AGBL4: variants seen among roughly 807,000 people sequenced by gnomAD.
AGBL4 encodes cytosolic carboxypeptidase 6.
In AGBL4, 58 loss-of-function variants were observed where a neutral mutation model predicts 66.4. The ratio of observed to expected loss-of-function variants is 0.87; its 90% CI spans 0.71 to 1.09. AGBL4 has a LOEUF of 1.09. AGBL4 is among the 50% of genes least tolerant of loss of function. AGBL4 has a pLI of 0.00. For synonymous variants in AGBL4, 234 were observed against 222.9 expected, an observed-to-expected ratio of 1.05 and a Z score of -0.44; for missense variants, 579 against 631.0, an observed-to-expected ratio of 0.92 and a Z score of 0.88.
intron 6 of AGBL4, among the ~76,000 whole-genome samples, chr1:48,714,557 A>G (rs1647018047): frequency 6.6e-6 from 1 of 152,210 alleles, no homozygotes; most frequent in South Asian, 2.1e-4. Flanking sequence ...CGGACTATTA[A>G]GCCCCCTCGT....
intron 4 of AGBL4, among the ~76,000 whole-genome samples, chr1:49,104,015 A>G (rs930314767): frequency 1.3e-5 from 2 of 152,188 alleles, no homozygotes; most frequent in African/African-American, 4.8e-5. Context: ...ACTCATGTTC[A>G]GCCTATTTGG....
chr1:49,928,677 T>C (rs780269057), intron 1 of AGBL4, among the ~76,000 whole-genome samples: 1 of 152,104 alleles, frequency 6.6e-6, no homozygotes, highest in African/African-American at 2.4e-5. Context: ...AATCAACAAA[T>C]TGTAAGCCAA....
At chr1:49,131,230 A>C (rs1315753194) in intron 4 of AGBL4, among the ~76,000 whole-genome samples, 1 of 152,052 alleles carries the variant, frequency 6.6e-6, no homozygotes, top group Admixed American at 6.6e-5. Context: ...TGCTTGGGTC[A>C]GAGGTGTCAG....
At chr1:49,769,680 T>C (rs1643998919) in intron 2 of AGBL4, among the ~76,000 whole-genome samples, 1 of 152,122 alleles carries the variant, frequency 6.6e-6, no homozygotes, top group South Asian at 2.1e-4. Context: ...AATCATCTAA[T>C]CTTTGAAAAA....
chr1:49,771,146 C>T (rs1644045366), intron 2 of AGBL4, among the ~76,000 whole-genome samples: 1 of 152,038 alleles, frequency 6.6e-6, no homozygotes, highest in Non-Finnish European at 1.5e-5. Context: ...TTGCTGTGAA[C>T]TTCCCTATTA....
chr1:49,305,779 C>T (rs1435405925), intron 3 of AGBL4, among the ~76,000 whole-genome samples: 6 of 152,066 alleles, frequency 3.9e-5, no homozygotes, highest in African/African-American at 1.4e-4. Context: ...CAACCTCCAC[C>T]TCCTGGGTTC....
chr1:49,065,492 G>A (rs1299672929), intron 4 of AGBL4, among the ~76,000 whole-genome samples: 1 of 152,222 alleles, frequency 6.6e-6, no homozygotes, highest in African/African-American at 2.4e-5. Context: ...CTGAAGCATA[G>A]GTTTCATGTG....
At chr1:49,341,039 G>A (rs1423475892) in intron 3 of AGBL4, among the ~76,000 whole-genome samples, 2 of 152,162 alleles carry the variant, frequency 1.3e-5, no homozygotes, top group Admixed American at 6.5e-5. Flanking sequence ...TTATGTATAA[G>A]CAAGCATTGT....
At chr1:49,478,500 T>C (rs1221312957) in intron 3 of AGBL4, among the ~76,000 whole-genome samples, 6 of 151,890 alleles carry the variant, frequency 4.0e-5, no homozygotes, top group Admixed American at 3.3e-4. Context: ...GAAAATAACC[T>C]TCAATCATGA....
intron 2 of AGBL4, among the ~76,000 whole-genome samples, chr1:49,741,157 G>A (rs1204438558): frequency 6.6e-6 from 1 of 152,016 alleles, no homozygotes; most frequent in African/African-American, 2.4e-5. Flanking sequence ...CCGCTAGCAA[G>A]ACTAATAAAG....
intron 4 of AGBL4, among the ~76,000 whole-genome samples, chr1:49,242,660 T>C (rs1651328076): frequency 6.6e-6 from 1 of 151,954 alleles, no homozygotes; most frequent in African/African-American, 2.4e-5. Flanking sequence ...AGAAACCTGA[T>C]GCTACAGAGC....
chr1:49,130,410 A>T (rs1308564124), intron 4 of AGBL4, among the ~76,000 whole-genome samples: 1 of 152,042 alleles, frequency 6.6e-6, no homozygotes, highest in Admixed American at 6.6e-5. Flanking sequence ...CTGAATGGTA[A>T]TGCCTAGGTT....
rs12062865 is a variant in AGBL4 at position 50,011,008 on chromosome 1, A to C, written c.34+12755T>G. Among the ~76,000 whole-genome samples the C allele has an allele frequency of 2.6e-3, 396 of 152,360 alleles. 5 individuals carry two copies. Among genetic ancestry groups the C allele is most frequent in the African/African-American group, 8.9e-3 (372 of 41,576 alleles). On this transcript the variant is annotated intron_variant, in intron 1 of 13. Transcript: ENST00000371839. ...AAAAAGCATCTGCAAAGCAAAGGAT[A>C]CAATCAACAAATTTAAGAGACATCT...
Position 49,487,402 on chromosome 1 carries a change from C to T in AGBL4, c.282+209911G>A, listed in dbSNP as rs1010717293. ...CACTTTGAATTGTAATTCTCATAAT[C>T]CCCACATGTCAAGAACAGGAACAGG... On this transcript the variant is annotated intron_variant, in intron 3 of 13. Coordinates refer to ENST00000371839, the MANE Select transcript of AGBL4 (RefSeq NM_032785.4). Among the ~76,000 whole-genome samples the T allele has an allele frequency of 2.0e-5, 3 of 151,896 alleles. 1 individual carries two copies. Among genetic ancestry groups the T allele is most frequent in the Admixed American group, 1.3e-4 (2 of 15,220 alleles).
intron 8 of AGBL4, among the ~76,000 whole-genome samples, chr1:48,651,221 G>A (rs1279822189): frequency 6.6e-6 from 1 of 152,210 alleles, no homozygotes; most frequent in Non-Finnish European, 1.5e-5. Flanking sequence ...TGAAGCTTCA[G>A]GGTGAAACCA....
chr1:48,919,945 G>A (rs1653942644), intron 5 of AGBL4, among the ~76,000 whole-genome samples: 1 of 152,176 alleles, frequency 6.6e-6, no homozygotes, highest in Non-Finnish European at 1.5e-5. Flanking sequence ...CTTCTCTTGT[G>A]TTGCTCAGTA....
intron 3 of AGBL4, among the ~76,000 whole-genome samples, chr1:49,247,541 G>A (rs1189121240): frequency 2.6e-5 from 4 of 152,008 alleles, no homozygotes; most frequent in African/African-American, 9.7e-5. Context: ...AATCAATATT[G>A]AGGGGACAAA....
chr1:48,537,462 G>T (rs545404081), intron 12 of AGBL4, among the ~76,000 whole-genome samples: 2 of 152,198 alleles, frequency 1.3e-5, no homozygotes, highest in African/African-American at 4.8e-5. Context: ...CCGTGTCGGG[G>T]TTCCATCCTC....
At chr1:48,941,519 A>C (rs1260486068) in intron 5 of AGBL4, among the ~76,000 whole-genome samples, 1 of 152,148 alleles carries the variant, frequency 6.6e-6, no homozygotes, top group East Asian at 1.9e-4. Flanking sequence ...GTGCCAGCTG[A>C]GTTTTTGTAG....
Sources: gnomAD v4.1 joint callset for allele counts (sites outside exome capture counted in the v4.1 genomes callset) on GRCh38, gnomAD v4.1.1 for gene constraint, MANE v1.5 for transcripts, NCBI Gene and HGNC (gene_info 2026-07-23, HGNC 2026-07-21) for gene names.